The following TEX15 variants were observed in gnomAD, a reference collection of about 807,000 sequenced individuals.
TEX15 encodes the protein testis expressed 15, meiosis and synapsis associated.
In TEX15, 171 loss-of-function variants were observed where a neutral mutation model predicts 237.3. That is an observed-to-expected ratio of 0.72 (90% CI 0.64 to 0.82). The LOEUF is 0.82. Ranked by LOEUF, TEX15 falls within the 40% of genes least tolerant of loss-of-function variation. The probability of loss-of-function intolerance (pLI) is 0.00; values close to 1 mark genes in which losing one functional copy is unlikely to be tolerated. For missense variants in TEX15, 3,750 were observed against 3,646.5 expected, an observed-to-expected ratio of 1.03 and a Z score of -0.73; for synonymous variants, 1,338 against 1,269.8, an observed-to-expected ratio of 1.05 and a Z score of -1.14.
chr8:30,840,016 TA>T (rs1807414489), intron 8 of TEX15, 52 bp from the exon 9 acceptor site: 2 of 1,078,948 alleles, frequency 1.9e-6, no homozygotes, highest in Non-Finnish European at 2.6e-6. Context: ...CAAACTATAA[TA>T]AAAATAATTA....
At position 30,848,253 on chromosome 8, in the gene TEX15, A is replaced by G. The variant is rs758411502; in HGVS notation, c.1914T>C (p.Thr638=). 1.2e-6 allele frequency: 2 copies of G among 1,611,888 alleles called. No homozygotes were observed. The highest frequency in any genetic ancestry group is 2.7e-5 in the African/African-American group (2 of 74,728). Residue 638 remains threonine, a synonymous_variant, in exon 8 of 11, where the codon ACT becomes ACC. Coordinates refer to ENST00000643185, the MANE Select transcript of TEX15 (RefSeq NM_001350162.2). Reference sequence around the variant, plus strand: ...AATCATTATCAATTTCTTTCCATGAAGTTTGCTTTTCTTCATGTTTGGAAC... The same window carrying G: ...AATCATTATCAATTTCTTTCCATGAGGTTTGCTTTTCTTCATGTTTGGAAC... ...EDSSKHEEKQ[T]SWKEIDNDFT...
chr8:30,836,801 A>G lies in TEX15; in HGVS notation c.9481+2T>C. On this transcript the variant is annotated splice_donor_variant, in intron 10 of 10. Coordinates refer to ENST00000643185, the MANE Select transcript of TEX15 (RefSeq NM_001350162.2). LOFTEE classifies it high-confidence loss of function. ...AAGCAGGCATTAAAATGTGAAACTC[A>G]CCATAAACCCAAGGAACTTCTGGAG... The G allele has an allele frequency of 6.3e-7, 1 of 1,582,474 alleles. No homozygotes were observed. Among genetic ancestry groups the G allele is most frequent in the East Asian group, 2.2e-5 (1 of 44,640 alleles).
chr8:30,888,737 G>T (rs1308559086), intron 2 of TEX15: 3 of 1,015,114 alleles, frequency 3.0e-6, no homozygotes, highest in African/African-American at 3.3e-5. Flanking sequence ...TCTACAGAAA[G>T]ATCACAAAGG....
chr8:30,846,292 T>A lies in TEX15; in HGVS notation c.3875A>T (p.Lys1292Ile), dbSNP rs752115747. 1 of 1,613,156 alleles carries A rather than the reference T, an allele frequency of 6.2e-7. No individual in the cohort carries two copies. Among genetic ancestry groups the A allele is most frequent in the African/African-American group, 1.3e-5 (1 of 74,900 alleles). ...GCTAATTCTTGATTCTACCTCCTTT[T>A]TATTTTTGGTATCATTATAGTCAGT... ...SKTDYNDTKN[K>I]KEVESRISKR... Residue 1292 changes from lysine (K) to isoleucine (I), a missense_variant, in exon 8 of 11, where the codon AAA becomes ATA. Physicochemically the swap from Lys to Ile is moderately radical, Grantham distance 102. Transcript: ENST00000643185.
intron 9 of TEX15, among the ~76,000 whole-genome samples, chr8:30,839,546 G>A (rs1413071415): frequency 2.6e-5 from 4 of 151,774 alleles, no homozygotes; most frequent in Non-Finnish European, 2.9e-5. Context: ...GTATTGTATC[G>A]TATCTTGTAA....
At chr8:30,905,951 C>A (rs1009626482) in intron 1 of TEX15, among the ~76,000 whole-genome samples, 2 of 151,786 alleles carry the variant, frequency 1.3e-5, no homozygotes, top group Non-Finnish European at 2.9e-5. Flanking sequence ...ATTTTATCTG[C>A]CCCTTACTGA....
rs1490762727 is a variant in TEX15 at position 30,859,792 on chromosome 8, TTAAGA to T, written c.687+114_687+118del. ...TATTAAAATAGCTTTCACTGTTTGC[TTAAGA>T]TATTATATTGAACGAATTAAGAGAT... On this transcript the variant is annotated intron_variant, in intron 6 of 10. Transcript: ENST00000643185. 4 of 767,764 alleles carry T rather than the reference TTAAGA, an allele frequency of 5.2e-6. No individual in the cohort carries two copies. In the African/African-American group the frequency reaches 7.3e-5, roughly 14 times the overall value. 47.6% of individuals were successfully genotyped at this position (767,764 alleles called of 1,614,324 possible). A position where few individuals can be genotyped will look rare whatever the true frequency, so the allele number is the denominator to read the frequency against.
intron 2 of TEX15, among the ~76,000 whole-genome samples, chr8:30,895,977 T>A (rs980786634): frequency 6.6e-6 from 1 of 152,126 alleles, no homozygotes; most frequent in Non-Finnish European, 1.5e-5. Context: ...CTACCATGCC[T>A]GGCCAAACAC....
intron 9 of TEX15, 36 bp downstream of exon 9, chr8:30,839,870 A>ATT: frequency 6.6e-7 from 1 of 1,505,272 alleles, no homozygotes; most frequent in Non-Finnish European, 9.0e-7. Context: ...ATTTTGTTCA[A>ATT]TTTTTTTTCC....
At chr8:30,898,376 C>G (rs1056428495) in intron 2 of TEX15, among the ~76,000 whole-genome samples, 1 of 152,142 alleles carries the variant, frequency 6.6e-6, no homozygotes, top group East Asian at 1.9e-4. Flanking sequence ...CCTTCCACCA[C>G]GCAATAACAC....
At chr8:30,909,636 A>G (rs1809178509) in intron 1 of TEX15, among the ~76,000 whole-genome samples, 1 of 152,274 alleles carries the variant, frequency 6.6e-6, no homozygotes, top group African/African-American at 2.4e-5. Context: ...TCCCTTTGTG[A>G]AATAGAGCTA....
rs1261457031 is a variant in TEX15, at chr8:30,870,919, A to G, written c.303-3417T>C. Reference sequence around the variant, plus strand: ...GGATTGTGTTCCTTTCTGAGGTTCTAGGGGAGGATCTCTTTCCAAGTTGGC... The same window carrying G: ...GGATTGTGTTCCTTTCTGAGGTTCTGGGGGAGGATCTCTTTCCAAGTTGGC... On this transcript the variant is annotated intron_variant, in intron 4 of 10. Coordinates refer to ENST00000643185, the MANE Select transcript of TEX15 (RefSeq NM_001350162.2). 8.6e-5 allele frequency among the ~76,000 whole-genome samples: 13 copies of G among 152,046 alleles called. No homozygotes were observed. The East Asian group carries it at 2.5e-3, about 29-fold the overall frequency.
rs1329447485 is a variant in TEX15, at chr8:30,837,111, G to T, written c.9173C>A (p.Thr3058Asn). Reference sequence around the variant, plus strand: ...TGATGTTATCCCTTGGTATGTCTGGGTAATGGCATTGCCATTGCTGTTGCT... The same window carrying T: ...TGATGTTATCCCTTGGTATGTCTGGTTAATGGCATTGCCATTGCTGTTGCT... ...QYSNSNGNAI[T>N]QTYQGITSYE... The change falls in exon 10 of 11, where the codon ACC becomes AAC. Residue 3058 changes from threonine to asparagine, a missense_variant. Transcript: ENST00000643185. The T allele has an allele frequency of 6.2e-7, 1 of 1,614,138 alleles. No homozygotes were observed. The highest frequency in any genetic ancestry group is 8.5e-7 in the Non-Finnish European group (1 of 1,180,008).
Position 30,844,107 on chromosome 8 carries a change from A to G in TEX15, c.6060T>C (p.Thr2020=). Residue 2020 remains threonine (T), a synonymous_variant, in exon 8 of 11, where the codon ACT becomes ACC. Transcript: ENST00000643185. ...ASSLQILQEE[T]KVCLNILPLF... ...AAGGGAGAATATTTAGACAAACCTTAGTTTCTTCCTGTAGAATCTGCAAAG... is the reference window on the plus strand; with the variant it reads ...AAGGGAGAATATTTAGACAAACCTTGGTTTCTTCCTGTAGAATCTGCAAAG... 2 of 1,613,212 alleles carry G rather than the reference A, an allele frequency of 1.2e-6. No homozygotes were observed. Among genetic ancestry groups the G allele is most frequent in the Non-Finnish European group, 1.7e-6 (2 of 1,179,548 alleles).
chr8:30,844,004 G>A lies in TEX15; in HGVS notation c.6163C>T (p.Gln2055Ter), dbSNP rs1313553274. 1.9e-6 allele frequency: 3 copies of A among 1,612,312 alleles called. No individual in the cohort carries two copies. Among genetic ancestry groups the A allele is most frequent in the Non-Finnish European group, 2.5e-6 (3 of 1,179,378 alleles). Residue 2055 changes from glutamine (Q) to a stop codon, truncating the protein, a stop_gained, in exon 8 of 11, where the codon CAA becomes TAA. Coordinates refer to ENST00000643185, the MANE Select transcript of TEX15 (RefSeq NM_001350162.2). LOFTEE classifies it high-confidence loss of function. ...TGTTTGCAATTATTCCACAGGTTTTGGTCTACCAACAGTTCTCTTGAAATC... is the reference window on the plus strand; with the variant it reads ...TGTTTGCAATTATTCCACAGGTTTTAGTCTACCAACAGTTCTCTTGAAATC... ...ILISRELLVD[Q>*]NLWNNCKHTL...
chr8:30,850,182 A>C (rs757977601), intron 7 of TEX15, among the ~76,000 whole-genome samples: 1 of 152,162 alleles, frequency 6.6e-6, no homozygotes, highest in Non-Finnish European at 1.5e-5. Flanking sequence ...GCAAACTACT[A>C]TTCGTCTTTT....
At chr8:30,849,762 G>T (rs974417804) in intron 7 of TEX15, among the ~76,000 whole-genome samples, 1 of 151,894 alleles carries the variant, frequency 6.6e-6, no homozygotes, top group African/African-American at 2.4e-5. Flanking sequence ...AGCCAGGTGT[G>T]GTGGTGGGCA....
chr8:30,891,652 G>A (rs538312143), intron 2 of TEX15, among the ~76,000 whole-genome samples: 1 of 151,674 alleles, frequency 6.6e-6, no homozygotes, highest in African/African-American at 2.4e-5. Context: ...GCTAATTTTT[G>A]TAGAGATGAG....
intron 1 of TEX15, among the ~76,000 whole-genome samples, chr8:30,912,022 A>G (rs1337162654): frequency 6.6e-6 from 1 of 152,158 alleles, no homozygotes; most frequent in African/African-American, 2.4e-5. Context: ...GCCTTACAAC[A>G]GCCACAGCGC....
Sources: allele counts gnomAD v4.1 joint callset (sites outside exome capture counted in the v4.1 genomes callset), GRCh38; gene constraint gnomAD v4.1.1; transcripts MANE v1.5; gene names NCBI Gene and HGNC (gene_info 2026-07-23, HGNC 2026-07-21).